MAT1A: variants seen among roughly 807,000 people sequenced by gnomAD.
The protein encoded by MAT1A is S-adenosylmethionine synthase isoform type-1.
A neutral mutation model predicts 44.0 loss-of-function variants in MAT1A; 19 were observed. The ratio of observed to expected loss-of-function variants is 0.43; its 90% CI spans 0.30 to 0.63. The LOEUF (loss-of-function observed/expected upper bound fraction) is 0.63, where lower values mean the gene tolerates loss of function less well. Among genes scored for constraint, MAT1A ranks in the 30% least tolerant of loss-of-function variants. The pLI is 0.12. For synonymous variants in MAT1A, 205 were observed against 205.6 expected (o/e 1.00, Z 0.03); for missense variants, 397 against 531.0 (o/e 0.75, Z 2.48).
rs1202117212 is a variant in MAT1A, at chr10:80,283,335, G to A, written c.292+581C>T. Among the ~76,000 whole-genome samples the A allele has an allele frequency of 2.0e-5, 3 of 152,338 alleles. No individual in the cohort carries two copies. In the East Asian group the frequency reaches 5.8e-4, roughly 29 times the overall value. ...GCCTGTGCCCCTTCCCTGGGTGGTG[G>A]CCCCACACTATGTAGCACTGGTGCT... On this transcript the variant is annotated intron_variant, in intron 3 of 8. Transcript: ENST00000372213.
At chr10:80,289,150 G>T (rs943129559) in intron 1 of MAT1A, among the ~76,000 whole-genome samples, 183 bp downstream of exon 1, 3 of 152,194 alleles carry the variant, frequency 2.0e-5, no homozygotes, top group African/African-American at 7.2e-5. Flanking sequence ...AATGTCTGTG[G>T]CAATGGGTAT....
At chr10:80,276,703 G>C in intron 5 of MAT1A, 109 bp from the exon 6 acceptor site, 1 of 1,000,408 alleles carries the variant, frequency 1.0e-6, no homozygotes, top group Non-Finnish European at 1.6e-6. Flanking sequence ...CAGGAGCCAA[G>C]TGGGGCCTCC....
rs368451421 is a variant in MAT1A, at chr10:80,273,591, A to G, written c.*190T>C. On this transcript the variant is annotated 3_prime_UTR_variant, in exon 9 of 9. Coordinates refer to ENST00000372213, the MANE Select transcript of MAT1A (RefSeq NM_000429.3). ...CATGCCCATCCTTACATCAAGATCC[A>G]ACCTCCAGCACCAGGAAGCCCCTGC... 4.0e-5 allele frequency: 25 copies of G among 622,068 alleles called. No individual in the cohort carries two copies. The African/African-American group carries it at 4.0e-4, about 10-fold the overall frequency. The allele number at this position is 622,068 out of a possible 1,614,324, so 38.5% of individuals were successfully genotyped here.
Position 80,283,954 on chromosome 10 carries a change from T to C in MAT1A, c.254A>G (p.Asp85Gly), listed in dbSNP as rs1475134771. The change falls in exon 3 of 9, where the codon GAC (aspartate) becomes GGC (glycine). Residue 85 changes from aspartate (D) to glycine (G), a missense_variant. Physicochemically the swap from Asp to Gly is moderately conservative, Grantham distance 94. Coordinates refer to ENST00000372213, the MANE Select transcript of MAT1A (RefSeq NM_000429.3). The part of the protein sequence containing the change: ...AMVDYQRVVR[D>G]TIKHIGYDDS... ...ATCGTAGCCGATGTGCTTGATGGTG[T>C]CCCTCACCACCCGCTGGTAGTCCAC... 1 of 1,614,204 alleles carries C rather than the reference T, an allele frequency of 6.2e-7. No individual in the cohort carries two copies.
At chr10:80,280,458 G>T in intron 4 of MAT1A, 142 bp from the exon 5 acceptor site, 2 of 1,155,064 alleles carry the variant, frequency 1.7e-6, no homozygotes, top group Non-Finnish European at 2.5e-6. Context: ...TGCAGGGGAA[G>T]GACGTCATCC....
chr10:80,285,829 C>CTTT (rs58596616), intron 1 of MAT1A, among the ~76,000 whole-genome samples: 3 of 142,654 alleles, frequency 2.1e-5, no homozygotes, highest in African/African-American at 2.6e-5. Flanking sequence ...AAAGAAATAC[C>CTTT]TTTTTTTTTT....
At position 80,276,405 on chromosome 10, in the gene MAT1A, T is replaced by A. The variant is rs1841485926; in HGVS notation, c.739A>T (p.Ser247Cys). 1 of 1,614,024 alleles carries A rather than the reference T, an allele frequency of 6.2e-7. No individual in the cohort carries two copies. ...GGACCTCCGATGACAAACCGCCCAC[T>A]GGGCTGCAGGTGGTAGACGGTGTCT... ...DEDTVYHLQP[S>C]GRFVIGGPQG... The change falls in exon 6 of 9, where the codon AGT becomes TGT. Residue 247 changes from serine to cysteine, a missense_variant. Transcript: ENST00000372213.
At chr10:80,283,019 G>A (rs1292005557) in intron 3 of MAT1A, among the ~76,000 whole-genome samples, 4 of 152,170 alleles carry the variant, frequency 2.6e-5, no homozygotes, top group Admixed American at 2.6e-4. Flanking sequence ...TGATTTCAGA[G>A]AATTAGGGAA....
chr10:80,278,765 G>A (rs1841522569), intron 5 of MAT1A, among the ~76,000 whole-genome samples: 1 of 152,228 alleles, frequency 6.6e-6, no homozygotes, highest in Non-Finnish European at 1.5e-5. Context: ...CTGTACAACT[G>A]GAGTTGTACA....
intron 7 of MAT1A, 77 bp downstream of exon 7, chr10:80,274,940 A>C: frequency 6.7e-7 from 1 of 1,502,328 alleles, no homozygotes; most frequent in Non-Finnish European, 9.0e-7. Flanking sequence ...CCACCGGGCC[A>C]ACATCCCCTC....
chr10:80,289,074 G>A (rs1251098705), intron 1 of MAT1A, among the ~76,000 whole-genome samples: 1 of 152,210 alleles, frequency 6.6e-6, no homozygotes, highest in Non-Finnish European at 1.5e-5. Flanking sequence ...GCATTCCATT[G>A]CGCAGTAGGG....
rs181131671 is a variant in MAT1A at position 80,285,208 on chromosome 10, T to A, written c.169+304A>T. On this transcript the variant is annotated intron_variant, in intron 2 of 8. Transcript: ENST00000372213. The stretch of plus-strand genomic sequence containing the variant: ...CACCTAAGAACTTTGAAAGACCTCC[T>A]TGTTCCCAATGAGATCAAGCATCAG... 4.6e-5 allele frequency among the ~76,000 whole-genome samples: 7 copies of A among 152,322 alleles called. No individual in the cohort carries two copies. In the East Asian group the frequency reaches 1.3e-3, roughly 29 times the overall value.
At chr10:80,275,543 A>C in intron 6 of MAT1A, 1 of 358,162 alleles carries the variant, frequency 2.8e-6, no homozygotes. Flanking sequence ...CATAAATACA[A>C]CCCTGGCTGG....
chr10:80,281,390 A>G (rs904704466), intron 3 of MAT1A, among the ~76,000 whole-genome samples: 1 of 152,108 alleles, frequency 6.6e-6, no homozygotes, highest in African/African-American at 2.4e-5. Context: ...GCCCTTTCCC[A>G]TCTACAAAGC....
intron 3 of MAT1A, 22 bp from the exon 4 acceptor site, chr10:80,280,814 C>G (rs1277591779): frequency 6.3e-7 from 1 of 1,574,944 alleles, no homozygotes; most frequent in African/African-American, 1.3e-5. Flanking sequence ...CAAAGTGAGC[C>G]TAAGTGGGGA....
chr10:80,284,722 TA>T (rs1841619544), intron 2 of MAT1A, among the ~76,000 whole-genome samples: 3 of 152,338 alleles, frequency 2.0e-5, no homozygotes, highest in Non-Finnish European at 1.5e-5. Flanking sequence ...ATCCTGTCTC[TA>T]AAATGAACAG....
intron 3 of MAT1A, among the ~76,000 whole-genome samples, chr10:80,282,303 C>G (rs972076379): frequency 2.6e-5 from 4 of 152,158 alleles, no homozygotes; most frequent in African/African-American, 9.7e-5. Context: ...ACACCGCAGC[C>G]AGGAGCAACG....
intron 6 of MAT1A, 123 bp from the exon 7 acceptor site, chr10:80,275,322 C>T (rs1841472291): frequency 5.6e-6 from 5 of 888,828 alleles, no homozygotes; most frequent in Non-Finnish European, 9.0e-6. Flanking sequence ...TGCCCACAGA[C>T]ATTTTCCTAA....
rs74481328 is a variant in MAT1A, at chr10:80,275,945, C to G, written c.768+431G>C. Among the ~76,000 whole-genome samples, 92 of 152,298 alleles carry G rather than the reference C, an allele frequency of 6.0e-4. 1 individual carries two copies. The East Asian group carries it at 0.016, about 27-fold the overall frequency. ...GGCAGTGGTGCCCTGTCTAAAACACCCTGTCCCACTCTGGTGCCCACAACA... is the reference window on the plus strand; with the variant it reads ...GGCAGTGGTGCCCTGTCTAAAACACGCTGTCCCACTCTGGTGCCCACAACA... On this transcript the variant is annotated intron_variant, in intron 6 of 8. Transcript: ENST00000372213.
Sources: allele counts gnomAD v4.1 joint callset (sites outside exome capture counted in the v4.1 genomes callset), GRCh38; gene constraint gnomAD v4.1.1; transcripts MANE v1.5; gene names NCBI Gene and HGNC (gene_info 2026-07-23, HGNC 2026-07-21).